TOX2: variants seen among roughly 807,000 people sequenced by gnomAD.
TOX2 encodes TOX high mobility group box family member 2, also known as granulosa cell HMG box 1.
TOX2 carries 15 observed loss-of-function variants against 47.4 expected under a neutral mutation model. The observed-to-expected ratio is 0.32, with a 90% CI of 0.21 to 0.49. The LOEUF is 0.49. Among genes scored for constraint, TOX2 ranks in the 20% least tolerant of loss-of-function variants. The pLI is 0.99. For missense variants in TOX2, 622 were observed against 673.1 expected (o/e 0.92, Z 0.84); for synonymous variants, 290 against 296.6 (o/e 0.98, Z 0.23).
rs114865340 is a variant in TOX2, at chr20:43,962,047, C to T, written c.100-11320C>T. Among the ~76,000 whole-genome samples, 181 of 152,314 alleles carry T rather than the reference C, an allele frequency of 1.2e-3. 2 individuals are homozygous for T. The highest frequency in any genetic ancestry group is 4.1e-3 in the African/African-American group (171 of 41,570). On this transcript the variant is annotated intron_variant, in intron 1 of 8. Coordinates refer to ENST00000341197, the MANE Select transcript of TOX2 (RefSeq NM_001098797.2). The stretch of plus-strand genomic sequence containing the variant: ...ATGTGCATAATTAAAGCTTAATGAG[C>T]GCTTGTCTGTTTGGAATGTGCAATT...
At chr20:43,958,416 A>G (rs373043403) in intron 1 of TOX2, among the ~76,000 whole-genome samples, 1 of 152,210 alleles carries the variant, frequency 6.6e-6, no homozygotes, top group Non-Finnish European at 1.5e-5. Context: ...CCCAGCACAC[A>G]TACCGGTTTT....
intron 3 of TOX2, among the ~76,000 whole-genome samples, chr20:44,024,868 C>T (rs1401178330): frequency 6.6e-6 from 1 of 152,112 alleles, no homozygotes; most frequent in Admixed American, 6.5e-5. Context: ...ACAAAATTTA[C>T]ATACATGGGA....
At chr20:44,027,294 C>T (rs1013233342) in intron 3 of TOX2, among the ~76,000 whole-genome samples, 5 of 146,964 alleles carry the variant, frequency 3.4e-5, no homozygotes, top group Non-Finnish European at 7.5e-5. Flanking sequence ...GAATGTTCAG[C>T]GTTCAGGGGA....
intron 2 of TOX2, among the ~76,000 whole-genome samples, chr20:43,988,616 C>A (rs1417342039): frequency 6.6e-6 from 1 of 152,236 alleles, no homozygotes; most frequent in African/African-American, 2.4e-5. Flanking sequence ...TTAATGGCTG[C>A]TTTCCTCCTA....
rs1250784789 is a variant in TOX2 at position 44,026,252 on chromosome 20, C to CAT, written c.411+19461_411+19462insTA. ...TGATATATATATATATATATATAGACACACACACACACAATGGAATACTAC... is the reference window on the plus strand; with the variant it reads ...TGATATATATATATATATATATAGACATACACACACACACAATGGAATACTAC... On this transcript the variant is annotated intron_variant, in intron 3 of 8. Coordinates refer to ENST00000341197, the MANE Select transcript of TOX2 (RefSeq NM_001098797.2). Among the ~76,000 whole-genome samples, 488 of 81,832 alleles carry CAT rather than the reference C, an allele frequency of 6.0e-3. 17 individuals are homozygous for CAT. Among genetic ancestry groups the CAT allele is most frequent in the African/African-American group, 0.025 (447 of 17,572 alleles). 53.7% of individuals were successfully genotyped at this position (81,832 alleles called of 152,430 possible).
At chr20:44,017,316 G>A (rs1031496621) in intron 3 of TOX2, among the ~76,000 whole-genome samples, 11 of 152,224 alleles carry the variant, frequency 7.2e-5, no homozygotes, top group African/African-American at 2.4e-4. Flanking sequence ...CTAAGCTGTG[G>A]ACGATTGAAA....
intron 4 of TOX2, 82 bp from the exon 5 acceptor site, chr20:44,054,217 G>A: frequency 6.9e-7 from 1 of 1,441,120 alleles, no homozygotes. Flanking sequence ...GAGAAGTGCA[G>A]CTCGGCCCAA....
chr20:43,927,270 A>G (rs1222111021), intron 1 of TOX2, among the ~76,000 whole-genome samples: 4 of 152,144 alleles, frequency 2.6e-5, no homozygotes, highest in Non-Finnish European at 4.4e-5. Context: ...CAGGGGAGTT[A>G]TGCTCCGCAA....
In TOX2 at chr20:43,941,666, C is replaced by T. The variant is rs560478426; in HGVS notation, c.99+26676C>T. ...TGTTCTTTTTATTTGCGTAAGCTCA[C>T]ACCCTCTCAGCTTTGGTGTTTTCTA... On this transcript the variant is annotated intron_variant, in intron 1 of 8. Transcript: ENST00000341197. Among the ~76,000 whole-genome samples, 4 of 152,294 alleles carry T rather than the reference C, an allele frequency of 2.6e-5. No homozygotes were observed. The East Asian group carries it at 5.8e-4, about 22-fold the overall frequency.
At chr20:44,044,733 T>TA (rs2071388252) in intron 3 of TOX2, among the ~76,000 whole-genome samples, 1 of 152,056 alleles carries the variant, frequency 6.6e-6, no homozygotes, top group African/African-American at 2.4e-5. Flanking sequence ...TCTTAAAAAT[T>TA]AAAAAACAGA....
rs548429333 is a variant in TOX2, at chr20:43,932,729, C to T, written c.99+17739C>T. Among the ~76,000 whole-genome samples, 442 of 152,160 alleles carry T rather than the reference C, an allele frequency of 2.9e-3. 7 individuals carry two copies. In the South Asian group the frequency reaches 0.038, roughly 13 times the overall value. On this transcript the variant is annotated intron_variant, in intron 1 of 8. Coordinates refer to ENST00000341197, the MANE Select transcript of TOX2 (RefSeq NM_001098797.2). Reference sequence around the variant, plus strand: ...GGGGCTCACACCAGGATTGGGGGCCCGCACCCTGGGTTGGGTGAAGGCAAG... The same window carrying T: ...GGGGCTCACACCAGGATTGGGGGCCTGCACCCTGGGTTGGGTGAAGGCAAG...
Position 43,914,890 on chromosome 20 carries a change from C to T in TOX2, c.-2C>T. On this transcript the variant is annotated 5_prime_UTR_variant, in exon 1 of 9. Coordinates refer to ENST00000341197, the MANE Select transcript of TOX2 (RefSeq NM_001098797.2). This position sits in a 1 kb window ranked among gnomAD's most constrained non-coding sequence, Gnocchi z 4.5. ...GCCGCCGCCGCCGCCGCCGCGCCCG[C>T]CATGGACGTCCGCCTGTACCCCTCG... is the stretch of plus-strand genomic sequence containing the variant. 1 of 1,049,712 alleles carries T rather than the reference C, an allele frequency of 9.5e-7. No individual in the cohort carries two copies. The highest frequency in any genetic ancestry group is 7.3e-5 in the East Asian group (1 of 13,764). The allele number at this position is 1,049,712 out of a possible 1,614,324, so 65.0% of individuals were successfully genotyped here.
intron 1 of TOX2, among the ~76,000 whole-genome samples, chr20:43,967,216 A>T (rs1418455087): frequency 6.6e-6 from 1 of 152,148 alleles, no homozygotes; most frequent in Non-Finnish European, 1.5e-5. Context: ...AAGTCCATGT[A>T]CATGTTATGA....
At position 44,043,088 on chromosome 20, in the gene TOX2, G is replaced by A. The variant is rs886080749; in HGVS notation, c.412-8218G>A. Among the ~76,000 whole-genome samples, 18 of 152,280 alleles carry A rather than the reference G, an allele frequency of 1.2e-4. No homozygotes were observed. The East Asian group carries it at 1.3e-3, about 11-fold the overall frequency. Reference sequence around the variant, plus strand: ...AGCATGTGAAGTTTTATATGCTTGCGGGGCATCCGAGGGAAGATGTCACTC... The same window carrying A: ...AGCATGTGAAGTTTTATATGCTTGCAGGGCATCCGAGGGAAGATGTCACTC... On this transcript the variant is annotated intron_variant, in intron 3 of 8. Transcript: ENST00000341197.
chr20:43,945,695 G>A, intron 1 of TOX2: 1 of 560,340 alleles, frequency 1.8e-6, no homozygotes, highest in East Asian at 3.8e-5. Context: ...GACCTGGCGT[G>A]GAGACCGCCA....
At chr20:44,027,444 CTGCCCCATCCCAG>C (rs2071083862) in intron 3 of TOX2, among the ~76,000 whole-genome samples, 1 of 152,230 alleles carries the variant, frequency 6.6e-6, no homozygotes, top group African/African-American at 2.4e-5. Context: ...CCCGCCTCCA[CTGCCCCATCCCAG>C]CTTAGGCCTC....
intron 1 of TOX2, among the ~76,000 whole-genome samples, chr20:43,923,074 G>T (rs1032883648): frequency 2.0e-5 from 3 of 146,560 alleles, no homozygotes; most frequent in Non-Finnish European, 4.4e-5. Flanking sequence ...ATGTAGAGTG[G>T]TGGGGGGTGT....
chr20:43,991,628 TTATTATTATTATTATTA>T (rs1041592103), intron 2 of TOX2, among the ~76,000 whole-genome samples: 27 of 94,874 alleles, frequency 2.8e-4, no homozygotes, highest in Non-Finnish European at 3.8e-4. Flanking sequence ...ATTATTATTA[TTATTATTATTATTATTA>T]TTATTATTAT....
At chr20:44,013,634 T>A (rs2070820977) in intron 3 of TOX2, among the ~76,000 whole-genome samples, 1 of 152,236 alleles carries the variant, frequency 6.6e-6, no homozygotes, top group Admixed American at 6.5e-5. Context: ...AAACAATGAA[T>A]TCTTATGATT....
Sources: allele counts gnomAD v4.1 joint callset (sites outside exome capture counted in the v4.1 genomes callset), GRCh38; gene constraint gnomAD v4.1.1; non-coding constraint Gnocchi (gnomAD v3.1); transcripts MANE v1.5; gene names NCBI Gene and HGNC (gene_info 2026-07-23, HGNC 2026-07-21).